Variants in SEMA3D observed in about 807,000 individuals in gnomAD.
SEMA3D encodes the protein semaphorin 3D.
Under a neutral mutation model 100.1 loss-of-function variants are expected in SEMA3D, and 84 were observed. That is an observed-to-expected ratio of 0.84 (90% CI 0.70 to 1.01). The LOEUF is 1.01. Ranked by LOEUF, SEMA3D falls within the 50% of genes least tolerant of loss-of-function variation. The pLI is 0.00. For missense variants in SEMA3D, 875 were observed against 934.1 expected (o/e 0.94, Z 0.82); for synonymous variants, 312 against 320.7 (o/e 0.97, Z 0.29).
At position 85,083,168 on chromosome 7, in the gene SEMA3D, T is replaced by C. The variant is rs530775312; in HGVS notation, c.313-1589A>G. Among the ~76,000 whole-genome samples, 313 of 152,218 alleles carry C rather than the reference T, an allele frequency of 2.1e-3. 1 individual carries two copies. The highest frequency in any genetic ancestry group is 3.7e-3 in the Non-Finnish European group (249 of 68,000). ...ATAAAATGGTTACATTTCAGGTGTA[T>C]AGGTGGGTGGATTTAGAAAAATGGC... On this transcript the variant is annotated intron_variant, in intron 4 of 18. Coordinates refer to ENST00000284136, the MANE Select transcript of SEMA3D (RefSeq NM_001384900.1).
Position 85,068,206 on chromosome 7 carries a change from C to T in SEMA3D, c.574G>A (p.Ala192Thr). 7 of 1,601,338 alleles carry T rather than the reference C, an allele frequency of 4.4e-6. No homozygotes were observed. The highest frequency in any genetic ancestry group is 6.0e-6 in the Non-Finnish European group (7 of 1,168,582). The part of the protein sequence containing the change: ...KCPFDPQQPF[A>T]SVMTDEYLYS... ...TTGATCTTACCTGTCATTACTGAAG[C>T]AAAAGGCTGCTGAGGATCGAAAGGA... The change falls in exon 7 of 19, where the codon GCT becomes ACT. Residue 192 changes from alanine (A) to threonine (T), a missense_variant. Physicochemically the swap from Ala to Thr is moderately conservative, Grantham distance 58. Coordinates refer to ENST00000284136, the MANE Select transcript of SEMA3D (RefSeq NM_001384900.1).
chr7:85,173,817 G>A (rs575000227), intron 1 of SEMA3D, among the ~76,000 whole-genome samples: 1 of 152,190 alleles, frequency 6.6e-6, no homozygotes, highest in South Asian at 2.1e-4. Context: ...ACACAACTAA[G>A]AGCTGACAGA....
At chr7:85,211,433 T>C in the SEMA3D span, among the ~76,000 whole-genome samples, 1 of 152,190 alleles carries the variant, frequency 6.6e-6, no homozygotes, top group Non-Finnish European at 1.5e-5. Context: ...ATATTTTCTT[T>C]TATATTGATA....
chr7:85,006,811 AT>A lies in SEMA3D; in HGVS notation c.1898del (p.His633LeufsTer5). On this transcript the variant is annotated frameshift_variant, in exon 18 of 19. Transcript: ENST00000284136. LOFTEE classifies it high-confidence loss of function. Reference protein sequence around the residue: ...KWYIQRSGDEHREELKPDERI... With the variant: ...KWYIQRSGDEXREELKPDERI... ...GATGACAACAGCTTACCTCCTCTCGATGCTCATCCCCTGACCTCTGGATATA... is the reference window on the plus strand; with the variant it reads ...GATGACAACAGCTTACCTCCTCTCGAGCTCATCCCCTGACCTCTGGATATA... The A allele has an allele frequency of 6.3e-7, 1 of 1,591,964 alleles. No individual in the cohort carries two copies. The highest frequency in any genetic ancestry group is 8.6e-7 in the Non-Finnish European group (1 of 1,167,432).
intron 3 of SEMA3D, among the ~76,000 whole-genome samples, chr7:85,116,083 GTTTA>G (rs1789232285): frequency 6.6e-6 from 1 of 151,344 alleles, no homozygotes; most frequent in Non-Finnish European, 1.5e-5. Context: ...ATTTTTAAGT[GTTTA>G]TTTGTCATGA....
chr7:85,068,131 G>T, intron 7 of SEMA3D, 60 bp downstream of exon 7: 2 of 978,288 alleles, frequency 2.0e-6, no homozygotes, highest in Non-Finnish European at 3.3e-6. Flanking sequence ...ATGCGGTTCA[G>T]TCAAAAAATA....
intron 2 of SEMA3D, chr7:85,140,528 T>G: frequency 2.0e-6 from 2 of 984,106 alleles, no homozygotes; most frequent in South Asian, 9.4e-5. Flanking sequence ...CATAGTCACT[T>G]CAAACATCAG....
intron 3 of SEMA3D, among the ~76,000 whole-genome samples, chr7:85,110,011 C>T (rs1789047690): frequency 6.6e-6 from 1 of 151,956 alleles, no homozygotes. Context: ...ATTATTTCCA[C>T]ATTTATGCAA....
the SEMA3D span, among the ~76,000 whole-genome samples, chr7:85,247,167 T>C: frequency 9.2e-5 from 14 of 152,092 alleles, no homozygotes; most frequent in East Asian, 2.3e-3. Flanking sequence ...AATCTTTAAA[T>C]GGCAAGAAAT....
chr7:85,197,015 T>A, the SEMA3D span, among the ~76,000 whole-genome samples: 1 of 136,178 alleles, frequency 7.3e-6, no homozygotes, highest in Non-Finnish European at 1.5e-5. Flanking sequence ...TCAGATTTTT[T>A]TTTTAATTTA....
the SEMA3D span, among the ~76,000 whole-genome samples, chr7:85,221,754 C>A: frequency 6.6e-6 from 1 of 151,922 alleles, no homozygotes; most frequent in Non-Finnish European, 1.5e-5. Context: ...ATAAACTTAA[C>A]AATCAATGCT....
At position 84,999,406 on chromosome 7, in the gene SEMA3D, G is replaced by A. The variant is rs376401093; in HGVS notation, c.*34C>T. On this transcript the variant is annotated 3_prime_UTR_variant, in exon 19 of 19. Transcript: ENST00000284136. Reference sequence around the variant, plus strand: ...AAAACAGAAGGCAATGTTTTTATAGGTAAGGAATTCTTTTCTTTAAATTAA... The same window carrying A: ...AAAACAGAAGGCAATGTTTTTATAGATAAGGAATTCTTTTCTTTAAATTAA... 2.6e-6 allele frequency: 4 copies of A among 1,551,882 alleles called. No individual in the cohort carries two copies. The highest frequency in any genetic ancestry group is 3.5e-6 in the Non-Finnish European group (4 of 1,129,222).
At chr7:85,087,254 A>C (rs993762354) in intron 4 of SEMA3D, among the ~76,000 whole-genome samples, 1 of 152,238 alleles carries the variant, frequency 6.6e-6, no homozygotes, top group Non-Finnish European at 1.5e-5. Flanking sequence ...CCTAATGGCC[A>C]GATTTTAATT....
chr7:85,141,252 A>G, intron 2 of SEMA3D: 1 of 984,486 alleles, frequency 1.0e-6, no homozygotes, highest in Non-Finnish European at 1.2e-6. Context: ...TTGAAGAGGG[A>G]CAAGTTCAAG....
chr7:85,012,822 T>G lies in SEMA3D; in HGVS notation c.1728A>C (p.Lys576Asn). Residue 576 changes from lysine to asparagine, a missense_variant, in exon 17 of 19, where the codon AAA becomes AAC. By Grantham distance (94) the Lys-to-Asn change is moderately conservative (BLOSUM62 0). Transcript: ENST00000284136. Reference protein sequence around the residue: ...SKRRARRQDVKYGDPITQCWD... With the variant: ...SKRRARRQDVNYGDPITQCWD... ...AGCACTGGGTGATTGGGTCGCCATA[T>G]TTTACATCTTGGCGTCTAGCTCTCC... The G allele has an allele frequency of 6.2e-7, 1 of 1,610,528 alleles. No homozygotes were observed. The highest frequency in any genetic ancestry group is 8.5e-7 in the Non-Finnish European group (1 of 1,177,566).
At chr7:85,054,678 G>A (rs1008674151) in intron 9 of SEMA3D, among the ~76,000 whole-genome samples, 1 of 152,062 alleles carries the variant, frequency 6.6e-6, no homozygotes, top group South Asian at 2.1e-4. Flanking sequence ...GTGTTCAGAA[G>A]CCTGAGGGTA....
At chr7:85,232,856 A>G in the SEMA3D span, among the ~76,000 whole-genome samples, 1 of 152,196 alleles carries the variant, frequency 6.6e-6, no homozygotes, top group Non-Finnish European at 1.5e-5. Context: ...ATGTGTGCCA[A>G]ATAAATTGTG....
rs773471398 is a variant in SEMA3D at position 85,040,697 on chromosome 7, A to G, written c.1022T>C (p.Val341Ala). The change falls in exon 11 of 19, where the codon GTA (valine) becomes GCA (alanine). Residue 341 changes from valine (V) to alanine (A), a missense_variant. Val to Ala is a moderately conservative substitution (Grantham distance 64). Transcript: ENST00000284136. ...CCTGGTTGTAGTAAAGACTCCATAT[A>G]CTACAGGATTTCTTTCATCTCTTGT... Reference protein sequence around the residue: ...LPTRDERNPVVYGVFTTTSSI... With the variant: ...LPTRDERNPVAYGVFTTTSSI... The G allele has an allele frequency of 2.7e-6, 4 of 1,482,084 alleles. No homozygotes were observed. Among genetic ancestry groups the G allele is most frequent in the African/African-American group, 2.8e-5 (2 of 72,202 alleles). The allele number at this position is 1,482,084 out of a possible 1,614,324, so 91.8% of individuals were successfully genotyped here. A position where few individuals can be genotyped will look rare whatever the true frequency, so the allele number is the denominator to read the frequency against.
At chr7:85,225,507 T>C in the SEMA3D span, among the ~76,000 whole-genome samples, 1 of 151,854 alleles carries the variant, frequency 6.6e-6, no homozygotes, top group Non-Finnish European at 1.5e-5. Context: ...GGGGCATCAG[T>C]ATAAAGTTTG....
Sources: gnomAD v4.1 joint callset for allele counts (sites outside exome capture counted in the v4.1 genomes callset) on GRCh38, gnomAD v4.1.1 for gene constraint, MANE v1.5 for transcripts, NCBI Gene and HGNC (gene_info 2026-07-23, HGNC 2026-07-21) for gene names.